MTHFSD: variants seen among roughly 807,000 people sequenced by gnomAD.
The protein encoded by MTHFSD is methenyltetrahydrofolate synthetase domain containing.
Under a neutral mutation model 31.1 loss-of-function variants are expected in MTHFSD, and 37 were observed. That is an observed-to-expected ratio of 1.19 (90% CI 0.91 to 1.56). The LOEUF is 1.56. Among genes scored for constraint, MTHFSD ranks in the 40% most tolerant of loss-of-function variants. The probability of loss-of-function intolerance (pLI) is 0.00; values close to 1 mark genes in which losing one functional copy is unlikely to be tolerated. For missense variants in MTHFSD, 664 were observed against 510.1 expected (o/e 1.30, Z -2.91); for synonymous variants, 221 against 206.9 (o/e 1.07, Z -0.59).
chr16:86,553,059 C>T (rs1032622593), intron 2 of MTHFSD, among the ~76,000 whole-genome samples: 2 of 152,090 alleles, frequency 1.3e-5, no homozygotes, highest in East Asian at 1.9e-4. Context: ...AGCTGGGAAA[C>T]TGAGGCCCAG....
In MTHFSD at chr16:86,535,485, C is replaced by T. The variant is rs114747754; in HGVS notation, c.682-3004G>A. 4.1e-4 allele frequency: 402 copies of T among 985,160 alleles called. 2 individuals carry two copies. In the African/African-American group the frequency reaches 6.8e-3, roughly 17 times the overall value. The allele number at this position is 985,160 out of a possible 1,614,324, so 61.0% of individuals were successfully genotyped here. Reference sequence around the variant, plus strand: ...GGCAGTGCTACTGTTTCCTGGCTGGCAATGAGGAATAGTTGTTACATTCTG... The same window carrying T: ...GGCAGTGCTACTGTTTCCTGGCTGGTAATGAGGAATAGTTGTTACATTCTG... On this transcript the variant is annotated intron_variant, in intron 7 of 7. Coordinates refer to ENST00000360900, the MANE Select transcript of MTHFSD (RefSeq NM_001159377.2).
At chr16:86,537,780 CTG>C (rs1188609624) in intron 7 of MTHFSD, among the ~76,000 whole-genome samples, 1 of 152,230 alleles carries the variant, frequency 6.6e-6, no homozygotes, top group Admixed American at 6.5e-5. Flanking sequence ...CCCCAGCAGG[CTG>C]TGTGGGGAAG....
chr16:86,543,672 G>A (rs1356763616), intron 5 of MTHFSD, among the ~76,000 whole-genome samples: 1 of 152,182 alleles, frequency 6.6e-6, no homozygotes, highest in African/African-American at 2.4e-5. Flanking sequence ...CGTCCCTTCT[G>A]TGAATGCAGA....
rs147491619 is a variant in MTHFSD at position 86,552,424 on chromosome 16, G to A, written c.124-278C>T. On this transcript the variant is annotated intron_variant, in intron 2 of 7. Transcript: ENST00000360900. Reference sequence around the variant, plus strand: ...ACCCAAAGAAACATCTAAGGAAGCAGTCTAAGTAAGGAAAGGGATTTGAGA... The same window carrying A: ...ACCCAAAGAAACATCTAAGGAAGCAATCTAAGTAAGGAAAGGGATTTGAGA... The A allele has an allele frequency of 1.1e-5, 8 of 714,998 alleles. No homozygotes were observed. The East Asian group carries it at 2.2e-4, about 20-fold the overall frequency. 44.3% of individuals were successfully genotyped at this position (714,998 alleles called of 1,614,324 possible).
intron 7 of MTHFSD, chr16:86,540,749 T>C: frequency 6.1e-6 from 6 of 990,664 alleles, no homozygotes; most frequent in Non-Finnish European, 7.2e-6. Context: ...GGAAGAGCAG[T>C]GACCACCTTC....
chr16:86,555,191 G>A lies in MTHFSD; in HGVS notation c.-7C>T. ...CACCTGCCCTCGGCTCCATGGTGAT[G>A]CAGTCGCTGTGCGACGCTTCCCGGC... On this transcript the variant is annotated 5_prime_UTR_variant, in exon 1 of 8. Coordinates refer to ENST00000360900, the MANE Select transcript of MTHFSD (RefSeq NM_001159377.2). 1 of 1,537,060 alleles carries A rather than the reference G, an allele frequency of 6.5e-7. No individual in the cohort carries two copies. The highest frequency in any genetic ancestry group is 1.2e-5 in the South Asian group (1 of 84,086).
At position 86,546,605 on chromosome 16, in the gene MTHFSD, G is replaced by A; in HGVS notation, c.396C>T (p.Val132=). The A allele has an allele frequency of 2.5e-6, 4 of 1,613,956 alleles. No homozygotes were observed. The highest frequency in any genetic ancestry group is 3.4e-6 in the Non-Finnish European group (4 of 1,180,020). ...ATCCCACCACAACTAAATCCACGAG[G>A]ACTCTGGAGTCCAAGCCTATGGGGA... The part of the protein sequence containing the change: ...YSVPIGLDSR[V]LVDLVVVGSV... The change falls in exon 5 of 8, where the codon GTC becomes GTT. Residue 132 remains valine, a synonymous_variant. Coordinates refer to ENST00000360900, the MANE Select transcript of MTHFSD (RefSeq NM_001159377.2).
chr16:86,532,767 A>G (rs961201920), intron 7 of MTHFSD: 14 of 274,946 alleles, frequency 5.1e-5, no homozygotes, highest in Middle Eastern at 1.0e-3. Context: ...TTGGGCCTCC[A>G]TTTTCCTCCA....
intron 3 of MTHFSD, among the ~76,000 whole-genome samples, chr16:86,549,433 C>G (rs532530150): frequency 2.0e-5 from 3 of 152,252 alleles, no homozygotes; most frequent in Non-Finnish European, 4.4e-5. Flanking sequence ...CCCATGACAT[C>G]TGTTTGGCCT....
intron 3 of MTHFSD, among the ~76,000 whole-genome samples, chr16:86,548,929 C>G (rs1972729611): frequency 2.0e-5 from 3 of 152,190 alleles, no homozygotes; most frequent in Admixed American, 2.0e-4. Context: ...TCCTGTGCCC[C>G]CTCTGCTCTC....
intron 5 of MTHFSD, 82 bp downstream of exon 5, chr16:86,546,477 C>G (rs1972327304): frequency 1.6e-6 from 2 of 1,285,184 alleles, no homozygotes; most frequent in East Asian, 4.6e-5. Flanking sequence ...CCACTGGCGA[C>G]TTTTGAAAGA....
chr16:86,541,687 C>G lies in MTHFSD; in HGVS notation c.681+10G>C, dbSNP rs9674156. On this transcript the variant is annotated intron_variant, in intron 7 of 7. Transcript: ENST00000360900. ...GCTACAGGCCAGAGCTGGCCACTGC[C>G]GTGACCCACCTTGAACCAGGTGATT... 1.2e-6 allele frequency: 2 copies of G among 1,611,214 alleles called. No homozygotes were observed. The highest frequency in any genetic ancestry group is 2.2e-5 in the East Asian group (1 of 44,850).
intron 7 of MTHFSD, among the ~76,000 whole-genome samples, chr16:86,538,549 C>G (rs1338870043): frequency 6.6e-6 from 1 of 152,256 alleles, no homozygotes; most frequent in Non-Finnish European, 1.5e-5. Flanking sequence ...CTGCTCGACA[C>G]TAGCGGGTCC....
At chr16:86,554,473 G>T (rs896737276) in intron 2 of MTHFSD, among the ~76,000 whole-genome samples, 172 bp downstream of exon 2, 1 of 152,180 alleles carries the variant, frequency 6.6e-6, no homozygotes, top group Non-Finnish European at 1.5e-5. Flanking sequence ...AAGAGTAAAT[G>T]ACGTCTCTAA....
At chr16:86,549,744 G>C (rs1972866522) in intron 3 of MTHFSD, among the ~76,000 whole-genome samples, 1 of 152,274 alleles carries the variant, frequency 6.6e-6, no homozygotes, top group African/African-American at 2.4e-5. Flanking sequence ...ACCTCCTTGA[G>C]TGATACCACC....
chr16:86,550,337 G>T lies in MTHFSD; in HGVS notation c.237+1696C>A, dbSNP rs145536472. On this transcript the variant is annotated intron_variant, in intron 3 of 7. Coordinates refer to ENST00000360900, the MANE Select transcript of MTHFSD (RefSeq NM_001159377.2). ...ACTTATGCAGTTGTTTCTTCAGCCT[G>T]AATAAATGATGGCATGAAGCAACAG... Among the ~76,000 whole-genome samples the T allele has an allele frequency of 2.2e-3, 332 of 152,344 alleles. 1 individual carries two copies. Among genetic ancestry groups the T allele is most frequent in the African/African-American group, 7.6e-3 (315 of 41,580 alleles).
rs555250788 is a variant in MTHFSD at position 86,555,119 on chromosome 16, G to A, written c.16+50C>T. The A allele has an allele frequency of 6.9e-4, 1,062 of 1,529,646 alleles. 7 individuals carry two copies. In the Admixed American group the frequency reaches 0.015, roughly 22 times the overall value. The allele number at this position is 1,529,646 out of a possible 1,614,324, so 94.8% of individuals were successfully genotyped here. On this transcript the variant is annotated intron_variant, in intron 1 of 7. Coordinates refer to ENST00000360900, the MANE Select transcript of MTHFSD (RefSeq NM_001159377.2). ...CCCGCCTCGACCCTCACCGGTCCCG[G>A]CTGTCCCTCCCCATTCCCAGCCGCC...
chr16:86,554,758 CAA>C lies in MTHFSD; in HGVS notation c.17-9_17-8del, dbSNP rs762875938. On this transcript the variant is annotated splice_region_variant and splice_polypyrimidine_tract_variant and intron_variant, in intron 1 of 7. Coordinates refer to ENST00000360900, the MANE Select transcript of MTHFSD (RefSeq NM_001159377.2). ...TCCTGTTTGGAGACACCTACTGCAA[CAA>C]AAGATTCCCACTTAATAACATACAA... The C allele has an allele frequency of 7.0e-5, 112 of 1,603,998 alleles. No homozygotes were observed. The Admixed American group carries it at 1.6e-3, about 23-fold the overall frequency.
rs1972665236 is a variant in MTHFSD at position 86,548,545 on chromosome 16, T to C, written c.270A>G (p.Arg90=). The stretch of plus-strand genomic sequence containing the variant: ...TCTTATTAAACAATCCCGTTCTCAG[T>C]CGTGGTGTTGGAACCAACAATGTTT... ...SKKTLLVPTP[R]LRTGLFNKIT... is the part of the protein sequence containing the mutation. The change falls in exon 4 of 8, where the codon CGA becomes CGG. Residue 90 remains arginine, a synonymous_variant. Coordinates refer to ENST00000360900, the MANE Select transcript of MTHFSD (RefSeq NM_001159377.2). The C allele has an allele frequency of 2.5e-6, 4 of 1,612,954 alleles. No individual in the cohort carries two copies. The highest frequency in any genetic ancestry group is 3.4e-6 in the Non-Finnish European group (4 of 1,179,772).
Sources: allele counts gnomAD v4.1 joint callset (sites outside exome capture counted in the v4.1 genomes callset), GRCh38; gene constraint gnomAD v4.1.1; transcripts MANE v1.5; gene names NCBI Gene and HGNC (gene_info 2026-07-23, HGNC 2026-07-21).